Variants in ADGRB3 observed in about 807,000 individuals in gnomAD.
The protein encoded by ADGRB3 is brain-specific angiogenesis inhibitor 3.
ADGRB3 carries 37 observed loss-of-function variants against 193.4 expected under a neutral mutation model. The observed-to-expected ratio is 0.19, with a 90% CI of 0.15 to 0.25. The LOEUF is 0.25. Among genes scored for constraint, ADGRB3 ranks in the 10% least tolerant of loss-of-function variants. The pLI, the probability that ADGRB3 is intolerant of heterozygous loss-of-function variation, is 1.00. For synonymous variants in ADGRB3, 690 were observed against 644.2 expected, an observed-to-expected ratio of 1.07 and a Z score of -1.08; for missense variants, 1,637 against 1,852.9, an observed-to-expected ratio of 0.88 and a Z score of 2.14.
At chr6:69,134,561 G>C (rs929462220) in intron 17 of ADGRB3, among the ~76,000 whole-genome samples, 1 of 151,982 alleles carries the variant, frequency 6.6e-6, no homozygotes, top group Non-Finnish European at 1.5e-5. Flanking sequence ...GTAAAAGTTA[G>C]GCAGTTTGGA....
At chr6:68,904,135 AAGG>A (rs1766481172) in intron 3 of ADGRB3, among the ~76,000 whole-genome samples, 1 of 150,062 alleles carries the variant, frequency 6.7e-6, no homozygotes, top group Non-Finnish European at 1.5e-5. Flanking sequence ...GGAAGGAAGG[AAGG>A]AAGGGTGAAA....
chr6:69,289,673 T>C (rs572355351), intron 20 of ADGRB3, among the ~76,000 whole-genome samples: 1 of 152,238 alleles, frequency 6.6e-6, no homozygotes, highest in Non-Finnish European at 1.5e-5. Context: ...CTTTGGCAAA[T>C]GAATGCGTGC....
intron 17 of ADGRB3, among the ~76,000 whole-genome samples, chr6:69,196,023 C>A (rs1193618479): frequency 6.6e-6 from 1 of 152,040 alleles, no homozygotes; most frequent in Non-Finnish European, 1.5e-5. Context: ...TTTACATTGC[C>A]ACTGACTTCC....
At chr6:69,091,156 T>A (rs1195256389) in intron 17 of ADGRB3, among the ~76,000 whole-genome samples, 1 of 152,154 alleles carries the variant, frequency 6.6e-6, no homozygotes, top group Non-Finnish European at 1.5e-5. Context: ...CTAGCGAGGT[T>A]GTGGACAAAA....
At chr6:69,215,614 A>G (rs1487337171) in intron 17 of ADGRB3, among the ~76,000 whole-genome samples, 2 of 152,134 alleles carry the variant, frequency 1.3e-5, no homozygotes, top group African/African-American at 2.4e-5. Flanking sequence ...ATAAAGAATT[A>G]TAAGACCTAT....
At chr6:69,275,398 A>C (rs1410052416) in intron 20 of ADGRB3, among the ~76,000 whole-genome samples, 1 of 152,180 alleles carries the variant, frequency 6.6e-6, no homozygotes, top group Admixed American at 6.5e-5. Context: ...GGGAGGAAGA[A>C]ATGTTACAGT....
chr6:68,870,988 A>T (rs967157050), intron 3 of ADGRB3, among the ~76,000 whole-genome samples: 3 of 151,956 alleles, frequency 2.0e-5, no homozygotes, highest in Admixed American at 6.6e-5. Context: ...TTAATTCTTC[A>T]TTTCTTTCTA....
In ADGRB3 at chr6:69,197,921, C is replaced by T. The variant is rs1003116643; in HGVS notation, c.2481-35369C>T. Among the ~76,000 whole-genome samples the T allele has an allele frequency of 3.9e-5, 6 of 152,174 alleles. No individual in the cohort carries two copies. The East Asian group carries it at 9.7e-4, about 24-fold the overall frequency. Reference sequence around the variant, plus strand: ...TCTATTCTTTAATTCCTGTCTCTTACTTAATTCAAGACTTACCTCCTTTCA... The same window carrying T: ...TCTATTCTTTAATTCCTGTCTCTTATTTAATTCAAGACTTACCTCCTTTCA... On this transcript the variant is annotated intron_variant, in intron 17 of 31. Transcript: ENST00000370598.
intron 8 of ADGRB3, among the ~76,000 whole-genome samples, chr6:68,964,486 AGAAGGC>A (rs1244337512): frequency 6.6e-6 from 1 of 152,206 alleles, no homozygotes; most frequent in African/African-American, 2.4e-5. Flanking sequence ...TATGACCTAG[AGAAGGC>A]TAAGACTCAC....
chr6:69,369,220 A>G (rs979458264), intron 29 of ADGRB3, among the ~76,000 whole-genome samples: 2 of 152,162 alleles, frequency 1.3e-5, no homozygotes, highest in African/African-American at 4.8e-5. Context: ...AATATTTTAG[A>G]GAGCTCAGAA....
At position 68,814,981 on chromosome 6, in the gene ADGRB3, G is replaced by A. The variant is rs554540078; in HGVS notation, c.758-115578G>A. On this transcript the variant is annotated intron_variant, in intron 3 of 31. Transcript: ENST00000370598. ...TCAATAAATTCGGTATTGATGGGAC[G>A]TATCTCAAAATAATAAGAGCTATCT... Among the ~76,000 whole-genome samples, 9 of 152,194 alleles carry A rather than the reference G, an allele frequency of 5.9e-5. No individual in the cohort carries two copies. The South Asian group carries it at 6.2e-4, about 11-fold the overall frequency.
chr6:69,333,016 G>C lies in ADGRB3; in HGVS notation c.3188+8G>C. On this transcript the variant is annotated splice_region_variant and intron_variant, in intron 24 of 31. Transcript: ENST00000370598. ...GCTCAAACACAGAGCCGGGTAAGCT[G>C]CAATTGGTGGATTTTGAAGGTTATT... 1 of 1,612,236 alleles carries C rather than the reference G, an allele frequency of 6.2e-7. No homozygotes were observed. The highest frequency in any genetic ancestry group is 8.5e-7 in the Non-Finnish European group (1 of 1,178,880).
intron 15 of ADGRB3, among the ~76,000 whole-genome samples, chr6:69,061,602 C>A (rs938724217): frequency 6.6e-6 from 1 of 151,874 alleles, no homozygotes; most frequent in African/African-American, 2.4e-5. Flanking sequence ...AGCCAAATAT[C>A]ATTAGCTATT....
intron 3 of ADGRB3, among the ~76,000 whole-genome samples, chr6:68,745,137 C>T (rs755278662): frequency 1.3e-5 from 2 of 152,114 alleles, no homozygotes; most frequent in Non-Finnish European, 2.9e-5. Context: ...GAGATATTTG[C>T]ACATCCATGT....
rs556329739 is a variant in ADGRB3 at position 68,643,021 on chromosome 6, A to G, written c.757+3589A>G. Among the ~76,000 whole-genome samples the G allele has an allele frequency of 6.8e-4, 104 of 152,296 alleles. 1 individual carries two copies. The highest frequency in any genetic ancestry group is 2.5e-3 in the African/African-American group (102 of 41,562). On this transcript the variant is annotated intron_variant, in intron 3 of 31. Coordinates refer to ENST00000370598, the MANE Select transcript of ADGRB3 (RefSeq NM_001704.3). Reference sequence around the variant, plus strand: ...TTTCTTACCACTTCATTTATAATAAATGATTAAAACAGTTTTGGCAGAAAA... The same window carrying G: ...TTTCTTACCACTTCATTTATAATAAGTGATTAAAACAGTTTTGGCAGAAAA...
chr6:68,645,218 G>A (rs114956442), intron 3 of ADGRB3, among the ~76,000 whole-genome samples: 1 of 151,838 alleles, frequency 6.6e-6, no homozygotes, highest in Non-Finnish European at 1.5e-5. Context: ...GAACCAAAGA[G>A]AGCTGAGTTT....
chr6:68,723,459 T>C (rs1188606496), intron 3 of ADGRB3, among the ~76,000 whole-genome samples: 1 of 151,764 alleles, frequency 6.6e-6, no homozygotes, highest in Non-Finnish European at 1.5e-5. Context: ...GGCAATCTTA[T>C]TTCCCACTTG....
intron 6 of ADGRB3, among the ~76,000 whole-genome samples, chr6:68,953,323 C>T (rs987028509): frequency 6.6e-6 from 1 of 152,176 alleles, no homozygotes; most frequent in Non-Finnish European, 1.5e-5. Flanking sequence ...TTAGCAGCAC[C>T]TAATTCACCT....
Position 69,313,284 on chromosome 6 carries a change from G to A in ADGRB3, c.2815-11588G>A, listed in dbSNP as rs921116673. 9.2e-5 allele frequency among the ~76,000 whole-genome samples: 14 copies of A among 151,940 alleles called. No individual in the cohort carries two copies. In the South Asian group the frequency reaches 1.4e-3, roughly 16 times the overall value. On this transcript the variant is annotated intron_variant, in intron 20 of 31. Transcript: ENST00000370598. ...CAGGTGATACCAATGTGCAGCCAAC[G>A]TTGGGAAATACTAGCTTGACTCAAA...
Sources: gnomAD v4.1 joint callset for allele counts (sites outside exome capture counted in the v4.1 genomes callset) on GRCh38, gnomAD v4.1.1 for gene constraint, MANE v1.5 for transcripts, NCBI Gene and HGNC (gene_info 2026-07-23, HGNC 2026-07-21) for gene names.